PDCD6IP: variants seen among roughly 807,000 people sequenced by gnomAD.
PDCD6IP encodes the protein programmed cell death 6 interacting protein.
A neutral mutation model predicts 103.7 loss-of-function variants in PDCD6IP; 43 were observed. The observed-to-expected ratio is 0.41, with a 90% CI of 0.32 to 0.53. The LOEUF (loss-of-function observed/expected upper bound fraction) is 0.53, where lower values mean the gene tolerates loss of function less well. Ranked by LOEUF, PDCD6IP falls within the 20% of genes least tolerant of loss-of-function variation. PDCD6IP has a pLI of 0.16. For missense variants in PDCD6IP, 871 were observed against 1,036.7 expected, an observed-to-expected ratio of 0.84 and a Z score of 2.20; for synonymous variants, 354 against 378.7, an observed-to-expected ratio of 0.93 and a Z score of 0.76.
At chr3:33,854,554 G>GT (rs1697788621) in intron 14 of PDCD6IP, 3 of 152,212 alleles carry the variant, frequency 2.0e-5, no homozygotes, top group East Asian at 3.8e-4. Context: ...TGATTTTTAA[G>GT]TTTTTTCAGA....
chr3:33,851,986 A>G (rs1296130821), intron 12 of PDCD6IP, among the ~76,000 whole-genome samples: 3 of 152,094 alleles, frequency 2.0e-5, no homozygotes, highest in Non-Finnish European at 1.5e-5. Flanking sequence ...ACCTAGCAAA[A>G]TCATACCTTC....
At chr3:33,860,271 T>G (rs1040997836) in intron 15 of PDCD6IP, among the ~76,000 whole-genome samples, 2 of 152,200 alleles carry the variant, frequency 1.3e-5, no homozygotes, top group Admixed American at 1.3e-4. Context: ...AGCTCAGTGA[T>G]TGAAAGGTGA....
intron 4 of PDCD6IP, among the ~76,000 whole-genome samples, chr3:33,824,910 ATC>A (rs1161624884): frequency 1.3e-5 from 2 of 152,244 alleles, no homozygotes; most frequent in African/African-American, 4.8e-5. Flanking sequence ...GAGGAAGTAT[ATC>A]TAAAAATAGT....
At chr3:33,815,029 T>C (rs923757853) in intron 3 of PDCD6IP, among the ~76,000 whole-genome samples, 7 of 148,364 alleles carry the variant, frequency 4.7e-5, no homozygotes, top group Non-Finnish European at 1.0e-4. Flanking sequence ...TGCTATAATA[T>C]ATACTATATA....
chr3:33,855,650 C>T (rs1035784448), intron 15 of PDCD6IP, among the ~76,000 whole-genome samples: 1 of 152,178 alleles, frequency 6.6e-6, no homozygotes, highest in African/African-American at 2.4e-5. Flanking sequence ...AAATCACTTT[C>T]AGAAGGAGGC....
chr3:33,836,360 T>C (rs1697348719), intron 8 of PDCD6IP, 94 bp downstream of exon 8: 1 of 681,504 alleles, frequency 1.5e-6, no homozygotes, highest in Non-Finnish European at 2.6e-6. Flanking sequence ...GTTGTATGCT[T>C]TGAATATAAT....
intron 1 of PDCD6IP, among the ~76,000 whole-genome samples, chr3:33,810,653 A>G (rs1174243494): frequency 6.6e-6 from 1 of 152,184 alleles, no homozygotes; most frequent in Admixed American, 6.5e-5. Context: ...AAAATGAGTT[A>G]AAAACTAGCT....
intron 1 of PDCD6IP, among the ~76,000 whole-genome samples, chr3:33,808,788 C>G (rs978066620): frequency 2.0e-5 from 3 of 152,168 alleles, no homozygotes; most frequent in African/African-American, 4.8e-5. Context: ...ATGATTCACA[C>G]TCTTACACTA....
chr3:33,831,358 G>A (rs963223148), intron 7 of PDCD6IP, among the ~76,000 whole-genome samples: 8 of 152,116 alleles, frequency 5.3e-5, no homozygotes, highest in African/African-American at 1.9e-4. Flanking sequence ...TGCAAGTATT[G>A]TTTTCTTAGT....
chr3:33,828,260 A>G (rs1409756891), intron 6 of PDCD6IP, among the ~76,000 whole-genome samples: 2 of 152,220 alleles, frequency 1.3e-5, no homozygotes, highest in African/African-American at 4.8e-5. Flanking sequence ...AGTATATGAC[A>G]CTGAAATATT....
intron 15 of PDCD6IP, among the ~76,000 whole-genome samples, chr3:33,862,903 C>T (rs910877152): frequency 1.3e-5 from 2 of 152,078 alleles, no homozygotes; most frequent in Non-Finnish European, 2.9e-5. Flanking sequence ...CAGTTTGACA[C>T]GTTTCTTACT....
intron 1 of PDCD6IP, among the ~76,000 whole-genome samples, chr3:33,807,133 T>C (rs1356615606): frequency 6.6e-6 from 1 of 152,240 alleles, no homozygotes; most frequent in Non-Finnish European, 1.5e-5. Context: ...TCAAAAACTT[T>C]GGGGTGAAGA....
In PDCD6IP at chr3:33,805,889, C is replaced by T. The variant is rs192379693; in HGVS notation, c.210-6183C>T. On this transcript the variant is annotated intron_variant, in intron 1 of 17. Transcript: ENST00000307296. Reference sequence around the variant, plus strand: ...CCTACCATGTAGCTGGGACTACAGGCGCCCACCACTACGCCCGGCTAATTT... The same window carrying T: ...CCTACCATGTAGCTGGGACTACAGGTGCCCACCACTACGCCCGGCTAATTT... Among the ~76,000 whole-genome samples the T allele has an allele frequency of 2.4e-3, 362 of 152,134 alleles. 2 individuals are homozygous for T. The highest frequency in any genetic ancestry group is 8.3e-3 in the African/African-American group (346 of 41,502).
chr3:33,817,953 T>A (rs1696892277), intron 3 of PDCD6IP, among the ~76,000 whole-genome samples: 1 of 151,942 alleles, frequency 6.6e-6, no homozygotes, highest in African/African-American at 2.4e-5. Flanking sequence ...TCATAAAAGC[T>A]CTTATACATG....
chr3:33,810,362 C>T (rs1439141910), intron 1 of PDCD6IP, among the ~76,000 whole-genome samples: 2 of 152,144 alleles, frequency 1.3e-5, no homozygotes, highest in Non-Finnish European at 2.9e-5. Context: ...ACCTCCTGTG[C>T]CCTTTTGACA....
chr3:33,819,666 A>G (rs1272023351), intron 3 of PDCD6IP, among the ~76,000 whole-genome samples: 1 of 152,218 alleles, frequency 6.6e-6, no homozygotes, highest in Non-Finnish European at 1.5e-5. Flanking sequence ...TGTGGCACAA[A>G]CATACAAATG....
chr3:33,812,612 A>C (rs968714571), intron 2 of PDCD6IP, among the ~76,000 whole-genome samples: 1 of 152,218 alleles, frequency 6.6e-6, no homozygotes, highest in Non-Finnish European at 1.5e-5. Context: ...AATTTCTTAT[A>C]GTTTTATTTT....
rs765312063 is a variant in PDCD6IP at position 33,811,077 on chromosome 3, G to A, written c.210-995G>A. 23 of 439,480 alleles carry A rather than the reference G, an allele frequency of 5.2e-5. 1 individual carries two copies. Among genetic ancestry groups the A allele is most frequent in the South Asian group, 3.7e-4 (23 of 61,920 alleles). 27.2% of individuals were successfully genotyped at this position (439,480 alleles called of 1,614,324 possible). A position where few individuals can be genotyped will look rare whatever the true frequency, so the allele number is the denominator to read the frequency against. ...ATGTTTGTATTTTTAGTAGAGACAG[G>A]GTTTTGCTGTGTTTCCTAGGCTGGT... is the stretch of plus-strand genomic sequence containing the variant. On this transcript the variant is annotated intron_variant, in intron 1 of 17. Transcript: ENST00000307296.
At chr3:33,843,005 TC>T (rs1697510478) in intron 10 of PDCD6IP, among the ~76,000 whole-genome samples, 1 of 152,234 alleles carries the variant, frequency 6.6e-6, no homozygotes, top group African/African-American at 2.4e-5. Context: ...ACCTGGTACC[TC>T]CTCAAACTTA....
Sources: gnomAD v4.1 joint callset for allele counts (sites outside exome capture counted in the v4.1 genomes callset) on GRCh38, gnomAD v4.1.1 for gene constraint, MANE v1.5 for transcripts, NCBI Gene and HGNC (gene_info 2026-07-23, HGNC 2026-07-21) for gene names.